The following LMNB2 variants were observed in gnomAD, a reference collection of about 807,000 sequenced individuals.
LMNB2 encodes lamin-B2.
A neutral mutation model predicts 69.3 loss-of-function variants in LMNB2; 17 were observed. The ratio of observed to expected loss-of-function variants is 0.25; its 90% CI spans 0.17 to 0.37. The LOEUF is 0.37. LMNB2 is among the 10% of genes least tolerant of loss of function. LMNB2 has a pLI of 1.00. For missense variants in LMNB2, 789 were observed against 883.6 expected (o/e 0.89, Z 1.36); for synonymous variants, 397 against 389.3 (o/e 1.02, Z -0.23).
intron 2 of LMNB2, among the ~76,000 whole-genome samples, chr19:2,440,926 C>G (rs939979090): frequency 6.6e-6 from 1 of 152,186 alleles, no homozygotes; most frequent in Admixed American, 6.5e-5. Context: ...TTGTGTGACC[C>G]GGGGAGGGAG....
At chr19:2,450,135 T>TATATATATATATACACATA (rs1568208688) in intron 1 of LMNB2, among the ~76,000 whole-genome samples, 1 of 151,314 alleles carries the variant, frequency 6.6e-6, no homozygotes, top group African/African-American at 2.4e-5. Context: ...TATATATATA[T>TATATATATATATACACATA]TCCATTAAAA....
At chr19:2,434,644 C>T (rs990098192) in intron 6 of LMNB2, 129 bp from the exon 7 acceptor site, 36 of 1,496,258 alleles carry the variant, frequency 2.4e-5, no homozygotes, top group African/African-American at 1.4e-4. Context: ...ATGGGGCGCA[C>T]GGGAGGGGAG....
intron 2 of LMNB2, among the ~76,000 whole-genome samples, chr19:2,442,932 C>G (rs1352534515): frequency 1.3e-5 from 2 of 152,176 alleles, no homozygotes; most frequent in Non-Finnish European, 2.9e-5. Flanking sequence ...GCGCCTGGTG[C>G]GGGGCCAGCA....
intron 1 of LMNB2, among the ~76,000 whole-genome samples, chr19:2,446,748 GGGC>G (rs1412435851): frequency 2.0e-5 from 3 of 152,238 alleles, no homozygotes; most frequent in Admixed American, 1.3e-4. Flanking sequence ...AACAGTCCAG[GGGC>G]TCCCCCAAGA....
intron 8 of LMNB2, 25 bp from the exon 9 acceptor site, chr19:2,432,548 C>T: frequency 5.7e-6 from 9 of 1,584,172 alleles, no homozygotes; most frequent in Non-Finnish European, 7.8e-6. Context: ...ACACACCTGA[C>T]CCTCAGCCAC....
chr19:2,448,717 G>A (rs1971987302), intron 1 of LMNB2, among the ~76,000 whole-genome samples: 1 of 152,100 alleles, frequency 6.6e-6, no homozygotes, highest in African/African-American at 2.4e-5. Flanking sequence ...GCATGGTGGC[G>A]TGCACCTGTA....
rs1971720648 is a variant in LMNB2 at position 2,430,240 on chromosome 19, A to G, written c.*671T>C. ...CTCCCCTGCCCTGTTGGCCTTGCAC[A>G]GTCAGGAACTGAACTGCGGGAAAAC... is the stretch of plus-strand genomic sequence containing the variant. On this transcript the variant is annotated 3_prime_UTR_variant, in exon 12 of 12. Transcript: ENST00000325327. 6.1e-6 allele frequency: 1 copy of G among 163,414 alleles called. No homozygotes were observed. Among genetic ancestry groups the G allele is most frequent in the South Asian group, 1.6e-4 (1 of 6,220 alleles). 10.1% of individuals were successfully genotyped at this position (163,414 alleles called of 1,614,324 possible). A position where few individuals can be genotyped will look rare whatever the true frequency, so the allele number is the denominator to read the frequency against.
intron 4 of LMNB2, 66 bp downstream of exon 4, chr19:2,438,097 C>T: frequency 5.0e-6 from 8 of 1,606,490 alleles, no homozygotes; most frequent in Non-Finnish European, 6.8e-6. Flanking sequence ...CTTCCGCCCT[C>T]CACAGCCATG....
chr19:2,432,374 C>G, intron 9 of LMNB2, 42 bp downstream of exon 9: 1 of 1,454,314 alleles, frequency 6.9e-7, no homozygotes, highest in Non-Finnish European at 9.6e-7. Flanking sequence ...CCACCTCACA[C>G]CCCATCCGTG....
intron 11 of LMNB2, 38 bp from the exon 12 acceptor site, chr19:2,430,990 G>A (rs757012594): frequency 3.9e-6 from 6 of 1,522,514 alleles, no homozygotes; most frequent in Non-Finnish European, 5.5e-6. Context: ...CCATGATCAG[G>A]GCCAGCCTGG....
At position 2,453,429 on chromosome 19, in the gene LMNB2, C is replaced by T. The variant is rs1308352842; in HGVS notation, c.264+3241G>A. ...GGCCCCCAGCTATTCCAGGTCACTC[C>T]CTCCATGTGGGCCCACATGACGTCC... On this transcript the variant is annotated intron_variant, in intron 1 of 11. Transcript: ENST00000325327. The surrounding 1 kb of genome is among the most constrained non-coding windows in gnomAD (Gnocchi z 4.4). 2.6e-5 allele frequency among the ~76,000 whole-genome samples: 4 copies of T among 152,004 alleles called. No homozygotes were observed. The South Asian group carries it at 8.3e-4, about 32-fold the overall frequency.
chr19:2,433,714 C>T (rs1202767979), intron 8 of LMNB2, 112 bp downstream of exon 8: 7 of 1,370,396 alleles, frequency 5.1e-6, no homozygotes, highest in Admixed American at 3.4e-5. Context: ...CCGGTCATTC[C>T]GGTCACCTTG....
At chr19:2,436,005 C>T (rs1385353227) in intron 4 of LMNB2, among the ~76,000 whole-genome samples, 1 of 152,026 alleles carries the variant, frequency 6.6e-6, no homozygotes. Flanking sequence ...AAAAATTAGG[C>T]CGGGCACAGT....
Position 2,453,647 on chromosome 19 carries a change from G to C in LMNB2, c.264+3023C>G, listed in dbSNP as rs1293564039. Among the ~76,000 whole-genome samples, 1 of 152,142 alleles carries C rather than the reference G, an allele frequency of 6.6e-6. No homozygotes were observed. The highest frequency in any genetic ancestry group is 1.5e-5 in the Non-Finnish European group (1 of 68,022). On this transcript the variant is annotated intron_variant, in intron 1 of 11. Coordinates refer to ENST00000325327, the MANE Select transcript of LMNB2 (RefSeq NM_032737.4). This position sits in a 1 kb window ranked among gnomAD's most constrained non-coding sequence, Gnocchi z 4.4. ...GGCTGCCTTCACTGGAGTCAGACCC[G>C]CATTTCACCCAGCCTGAGTGAACTG...
At chr19:2,433,520 T>G (rs1971774459) in intron 8 of LMNB2, among the ~76,000 whole-genome samples, 1 of 73,734 alleles carries the variant, frequency 1.4e-5, no homozygotes. Flanking sequence ...CCTTGTCCCC[T>G]GCCTCGCATT....
At position 2,429,863 on chromosome 19, in the gene LMNB2, T is replaced by C. The variant is rs547704249; in HGVS notation, c.*1048A>G. 1 of 152,260 alleles carries C rather than the reference T, an allele frequency of 6.6e-6. No homozygotes were observed. Among genetic ancestry groups the C allele is most frequent in the East Asian group, 1.9e-4 (1 of 5,170 alleles). The allele number at this position is 152,260 out of a possible 1,614,324, so 9.4% of individuals were successfully genotyped here. On this transcript the variant is annotated 3_prime_UTR_variant, in exon 12 of 12. Coordinates refer to ENST00000325327, the MANE Select transcript of LMNB2 (RefSeq NM_032737.4). ...TATTGCCGAAGGGGGGTGCCAGGCATTGGGAAGCTGGACTGAGGGGCTTGG... is the reference window on the plus strand; with the variant it reads ...TATTGCCGAAGGGGGGTGCCAGGCACTGGGAAGCTGGACTGAGGGGCTTGG...
chr19:2,431,706 C>T lies in LMNB2; in HGVS notation c.1711-48G>A, dbSNP rs759051519. 9.9e-6 allele frequency: 16 copies of T among 1,613,772 alleles called. No individual in the cohort carries two copies. In the Admixed American group the frequency reaches 2.5e-4, roughly 25 times the overall value. ...GCATGTCCCGGGATCGGGCCCAGAG[C>T]TGCTGTGGCGGCCCCGAGGGTGCCC... On this transcript the variant is annotated intron_variant, in intron 10 of 11. Transcript: ENST00000325327.
intron 1 of LMNB2, among the ~76,000 whole-genome samples, chr19:2,444,757 G>A (rs757352800): frequency 1.3e-5 from 2 of 152,214 alleles, no homozygotes; most frequent in Non-Finnish European, 2.9e-5. Flanking sequence ...CCAGGAGGAA[G>A]CCAGGCGACC....
chr19:2,442,458 A>G (rs1971909104), intron 2 of LMNB2, among the ~76,000 whole-genome samples: 1 of 152,156 alleles, frequency 6.6e-6, no homozygotes, highest in South Asian at 2.1e-4. Context: ...AATCCCAACT[A>G]TTCAGGAGGC....
Sources: allele counts gnomAD v4.1 joint callset (sites outside exome capture counted in the v4.1 genomes callset), GRCh38; gene constraint gnomAD v4.1.1; non-coding constraint Gnocchi (gnomAD v3.1); transcripts MANE v1.5; gene names NCBI Gene and HGNC (gene_info 2026-07-23, HGNC 2026-07-21).